Variants in GRIP1 observed in about 807,000 individuals in gnomAD.
GRIP1 encodes the protein glutamate receptor interacting protein 1.
A neutral mutation model predicts 129.9 loss-of-function variants in GRIP1; 45 were observed. The observed-to-expected ratio is 0.35, with a 90% CI of 0.27 to 0.44. GRIP1 has a LOEUF of 0.44. GRIP1 is among the 20% of genes least tolerant of loss of function. The probability of loss-of-function intolerance (pLI) is 1.00; values close to 1 mark genes in which losing one functional copy is unlikely to be tolerated. For synonymous variants in GRIP1, 530 were observed against 520.8 expected (o/e 1.02, Z -0.24); for missense variants, 1,196 against 1,396.8 (o/e 0.86, Z 2.29).
intron 2 of GRIP1, among the ~76,000 whole-genome samples, chr12:66,590,207 G>A (rs749264462): frequency 5.3e-5 from 8 of 152,082 alleles, no homozygotes; most frequent in Admixed American, 1.3e-4. Context: ...ACGGGGATTC[G>A]GGAAATATCA....
At chr12:67,055,247 G>A (rs1408008180) in intron 1 of GRIP1, among the ~76,000 whole-genome samples, 1 of 152,316 alleles carries the variant, frequency 6.6e-6, no homozygotes, top group East Asian at 1.9e-4. Context: ...TAGAGAAGGC[G>A]ACCCTGGTCA....
chr12:66,429,548 T>C (rs1163351695), intron 14 of GRIP1, among the ~76,000 whole-genome samples: 1 of 151,976 alleles, frequency 6.6e-6, no homozygotes, highest in Non-Finnish European at 1.5e-5. Flanking sequence ...ATTTAAAAAT[T>C]AGCCAGGCAT....
chr12:66,616,716 C>G (rs1050860721), intron 1 of GRIP1, among the ~76,000 whole-genome samples: 2 of 152,120 alleles, frequency 1.3e-5, no homozygotes, highest in Non-Finnish European at 2.9e-5. Context: ...CCTTCTCAGT[C>G]TCAGAACTTT....
chr12:66,896,480 G>GAAGAAAAAAAA (rs1555249918), intron 1 of GRIP1, among the ~76,000 whole-genome samples: 5 of 107,874 alleles, frequency 4.6e-5, no homozygotes, highest in African/African-American at 1.5e-4. Flanking sequence ...TGAGGAATTT[G>GAAGAAAAAAAA]AAAAAAAAAA....
At chr12:66,831,120 C>T (rs1039171610) in intron 1 of GRIP1, among the ~76,000 whole-genome samples, 1 of 152,072 alleles carries the variant, frequency 6.6e-6, no homozygotes, top group African/African-American at 2.4e-5. Context: ...TCCCAAAGTG[C>T]TGGTATTACA....
intron 2 of GRIP1, among the ~76,000 whole-genome samples, chr12:66,559,363 G>A (rs192140861): frequency 2.6e-5 from 4 of 152,000 alleles, no homozygotes; most frequent in Admixed American, 1.3e-4. Flanking sequence ...GAAGCAAAAG[G>A]CATCCAAATC....
chr12:66,473,513 A>G (rs559858908), intron 7 of GRIP1, among the ~76,000 whole-genome samples: 10 of 152,304 alleles, frequency 6.6e-5, no homozygotes, highest in Middle Eastern at 6.8e-3. Flanking sequence ...GGGTCCCTTG[A>G]GGGGACAGTG....
chr12:66,908,818 T>C (rs998037187), intron 1 of GRIP1, among the ~76,000 whole-genome samples: 1 of 152,188 alleles, frequency 6.6e-6, no homozygotes, highest in Non-Finnish European at 1.5e-5. Context: ...CTAAGAGTAG[T>C]GGAAGCAAGA....
intron 11 of GRIP1, among the ~76,000 whole-genome samples, chr12:66,453,760 T>G (rs943027547): frequency 6.6e-6 from 1 of 152,182 alleles, no homozygotes; most frequent in Non-Finnish European, 1.5e-5. Context: ...ATTTTCCCTA[T>G]TTTCAGTTGA....
At chr12:66,807,374 T>C (rs555530806), upstream of GRIP1, among the ~76,000 whole-genome samples, 15 of 152,124 alleles carry the variant, frequency 9.9e-5, no homozygotes, top group East Asian at 2.9e-3. Context: ...TGTGGCCCGT[T>C]AAAAATGTGT....
At chr12:66,753,139 T>C (rs1265165404) in intron 1 of GRIP1, among the ~76,000 whole-genome samples, 1 of 152,176 alleles carries the variant, frequency 6.6e-6, no homozygotes, top group Non-Finnish European at 1.5e-5. Context: ...CATGCTCTTA[T>C]ATCCTAGGTA....
At chr12:66,764,739 G>A (rs2037576860) in intron 1 of GRIP1, among the ~76,000 whole-genome samples, 1 of 152,138 alleles carries the variant, frequency 6.6e-6, no homozygotes, top group African/African-American at 2.4e-5. Context: ...GGGATAAAGT[G>A]TAACCAGCCA....
At chr12:66,451,396 T>G (rs966782781) in intron 11 of GRIP1, among the ~76,000 whole-genome samples, 796 of 58,432 alleles carry the variant, frequency 0.014, 70 homozygotes, top group Middle Eastern at 0.043. Context: ...TTTTTTTTTT[T>G]TTTTTTTTTT....
Position 66,394,335 on chromosome 12 carries a change from C to T in GRIP1, c.2002G>A (p.Gly668Arg), listed in dbSNP as rs199881820. 5.0e-6 allele frequency: 8 copies of T among 1,614,072 alleles called. No individual in the cohort carries two copies. Among genetic ancestry groups the T allele is most frequent in the Admixed American group, 1.7e-5 (1 of 60,018 alleles). ...EDNSDEQESS[G>R]AIIYTVELKR... ...AGCTCCACGGTGTAAATAATTGCTC[C>T]GGAACTTTCTTGCTCATCTGTAATA... The change falls in exon 17 of 25, where the codon GGA (glycine) becomes AGA (arginine). Residue 668 changes from glycine to arginine, a missense_variant. Gly to Arg is a moderately radical substitution (Grantham distance 125). Around this residue, in one of 5 missense-constraint regions of GRIP1, gnomAD observed 508 missense variants for 587.0 expected, o/e 0.87. Transcript: ENST00000359742.
At chr12:66,358,944 T>C (rs2054617759) in intron 23 of GRIP1, among the ~76,000 whole-genome samples, 1 of 152,198 alleles carries the variant, frequency 6.6e-6, no homozygotes, top group African/African-American at 2.4e-5. Flanking sequence ...TATGTCCCAC[T>C]CTGGCTTTAT....
intron 7 of GRIP1, among the ~76,000 whole-genome samples, chr12:66,499,473 CAATAAACA>C (rs887918308): frequency 6.6e-6 from 1 of 152,064 alleles, no homozygotes; most frequent in Non-Finnish European, 1.5e-5. Flanking sequence ...CTTCATCAAC[CAATAAACA>C]AATAATATCT....
In GRIP1 at chr12:66,569,413, G is replaced by T. The variant is rs1021348376; in HGVS notation, c.136+27434C>A. On this transcript the variant is annotated intron_variant, in intron 2 of 24. Transcript: ENST00000359742. ...AATCGCTTGAACCCAGGGGACAGAG[G>T]TTGCCGTGAGCCAAGATTGCCCCAC... Among the ~76,000 whole-genome samples, 8 of 152,266 alleles carry T rather than the reference G, an allele frequency of 5.3e-5. No homozygotes were observed. The South Asian group carries it at 1.7e-3, about 32-fold the overall frequency.
chr12:67,047,569 C>T (rs1168313960), intron 1 of GRIP1, among the ~76,000 whole-genome samples: 1 of 152,110 alleles, frequency 6.6e-6, no homozygotes, highest in Non-Finnish European at 1.5e-5. Context: ...ACTGTTGTCT[C>T]CTCAGCATCC....
chr12:66,737,398 C>T (rs755563268), intron 1 of GRIP1, among the ~76,000 whole-genome samples: 8 of 152,132 alleles, frequency 5.3e-5, no homozygotes, highest in Admixed American at 1.3e-4. Context: ...ATTCTGCTGC[C>T]TCAACCTCCT....
Sources: gnomAD v4.1 joint callset for allele counts (sites outside exome capture counted in the v4.1 genomes callset) on GRCh38, gnomAD v4.1.1 for gene constraint, gnomAD v4.1.1 regional missense constraint, MANE v1.5 for transcripts, NCBI Gene and HGNC (gene_info 2026-07-23, HGNC 2026-07-21) for gene names.